Variants in GPHN observed in about 807,000 individuals in gnomAD.
GPHN encodes the protein gephyrin.
GPHN carries 17 observed loss-of-function variants against 95.5 expected under a neutral mutation model. The ratio of observed to expected loss-of-function variants is 0.18; its 90% CI spans 0.12 to 0.27. The LOEUF is 0.27. Ranked by LOEUF, GPHN falls within the 10% of genes least tolerant of loss-of-function variation. GPHN has a pLI of 1.00. For synonymous variants in GPHN, 320 were observed against 322.5 expected (o/e 0.99, Z 0.08); for missense variants, 660 against 978.1 (o/e 0.67, Z 4.34).
chr14:66,841,016 GAT>G (rs750289212), intron 4 of GPHN, among the ~76,000 whole-genome samples: 2 of 145,614 alleles, frequency 1.4e-5, no homozygotes, highest in Non-Finnish European at 3.0e-5. Context: ...TATAGATATA[GAT>G]ATAGATATAG....
chr14:66,561,200 C>G (rs2060224719), intron 1 of GPHN, among the ~76,000 whole-genome samples: 1 of 152,012 alleles, frequency 6.6e-6, no homozygotes, highest in African/African-American at 2.4e-5. Flanking sequence ...GGTCTAAAAT[C>G]TCTTTTTTGG....
At chr14:67,093,307 T>C (rs573989046) in intron 12 of GPHN, among the ~76,000 whole-genome samples, 1 of 152,152 alleles carries the variant, frequency 6.6e-6, no homozygotes, top group Non-Finnish European at 1.5e-5. Context: ...TAGCATTTTG[T>C]GCATTTACCT....
At chr14:67,084,467 T>G (rs2153664984) in intron 11 of GPHN, among the ~76,000 whole-genome samples, 1 of 152,342 alleles carries the variant, frequency 6.6e-6, no homozygotes, top group South Asian at 2.1e-4. Flanking sequence ...TTCTAGATGT[T>G]CCACAAGTTT....
chr14:67,223,591 T>C, the GPHN span: 1 of 403,478 alleles, frequency 2.5e-6, no homozygotes, highest in East Asian at 1.6e-4. Flanking sequence ...AGCAGAAAAA[T>C]TCCACTCTGG....
chr14:66,885,524 G>C (rs979840736), intron 5 of GPHN, among the ~76,000 whole-genome samples: 2 of 152,106 alleles, frequency 1.3e-5, no homozygotes, highest in Non-Finnish European at 2.9e-5. Flanking sequence ...GGGGATCCAG[G>C]TTCTATTGTG....
intron 8 of GPHN, among the ~76,000 whole-genome samples, chr14:66,926,754 A>G (rs907520287): frequency 1.4e-4 from 21 of 152,164 alleles, no homozygotes. Flanking sequence ...GTGGTTCCAT[A>G]TAAATGTTAT....
intron 9 of GPHN, among the ~76,000 whole-genome samples, chr14:67,016,270 T>C (rs913383806): frequency 6.6e-6 from 1 of 152,028 alleles, no homozygotes; most frequent in Non-Finnish European, 1.5e-5. Context: ...ATAAAATATA[T>C]AACATTAGAA....
chr14:67,663,840 G>A, the GPHN span, among the ~76,000 whole-genome samples: 1 of 152,168 alleles, frequency 6.6e-6, no homozygotes, highest in East Asian at 1.9e-4. Flanking sequence ...AGGTTCTGGT[G>A]CCAGGTTCGG....
intron 5 of GPHN, among the ~76,000 whole-genome samples, chr14:66,902,536 T>A (rs772028734): frequency 1.3e-5 from 2 of 152,124 alleles, no homozygotes; most frequent in African/African-American, 2.4e-5. Flanking sequence ...TTGAGGTATG[T>A]TCCTTCTATA....
intron 3 of GPHN, among the ~76,000 whole-genome samples, chr14:66,780,594 A>T (rs963445436): frequency 6.6e-6 from 1 of 151,442 alleles, no homozygotes. Context: ...GATTCCTTTT[A>T]AAAAAAGCAG....
rs773017569 is a variant in GPHN at position 67,180,975 on chromosome 14, A to G, written c.*38A>G. 3.5e-5 allele frequency: 56 copies of G among 1,607,932 alleles called. No individual in the cohort carries two copies. Among genetic ancestry groups the G allele is most frequent in the Non-Finnish European group, 4.6e-5 (54 of 1,174,722 alleles). On this transcript the variant is annotated 3_prime_UTR_variant, in exon 23 of 23. Transcript: ENST00000478722. Reference sequence around the variant, plus strand: ...GGAGAAAGCTTTGATGCATGTCCACATATCATTGACTGTATCCTGTAATAT... The same window carrying G: ...GGAGAAAGCTTTGATGCATGTCCACGTATCATTGACTGTATCCTGTAATAT...
the GPHN span, among the ~76,000 whole-genome samples, chr14:67,283,950 A>T: frequency 3.3e-5 from 5 of 152,148 alleles, no homozygotes; most frequent in Non-Finnish European, 7.3e-5. Context: ...TGCATATTGG[A>T]AAGTAGGGAT....
intron 5 of GPHN, among the ~76,000 whole-genome samples, chr14:66,889,033 C>T (rs1270105780): frequency 6.6e-6 from 1 of 152,054 alleles, no homozygotes; most frequent in African/African-American, 2.4e-5. Context: ...AGGTTTAATT[C>T]TGCACAGTAA....
At chr14:67,352,523 C>A in the GPHN span, among the ~76,000 whole-genome samples, 1 of 152,056 alleles carries the variant, frequency 6.6e-6, no homozygotes. Context: ...GTGAGAGAAG[C>A]AAACATGGTG....
chr14:67,154,061 A>G (rs1027983443), intron 18 of GPHN, among the ~76,000 whole-genome samples: 1 of 152,170 alleles, frequency 6.6e-6, no homozygotes, highest in African/African-American at 2.4e-5. Flanking sequence ...CTGCTTTCCA[A>G]ACTCTGCATC....
chr14:67,590,629 G>A, the GPHN span, among the ~76,000 whole-genome samples: 460 of 152,292 alleles, frequency 3.0e-3, 1 homozygote, highest in Middle Eastern at 0.02. Flanking sequence ...AAAGTGCTGG[G>A]ATTACAGGCT....
intron 11 of GPHN, among the ~76,000 whole-genome samples, chr14:67,061,412 C>G (rs114756066): frequency 6.6e-6 from 1 of 152,068 alleles, no homozygotes; most frequent in Non-Finnish European, 1.5e-5. Context: ...CTTCCCAATC[C>G]GTTCTCCAAT....
Position 66,681,180 on chromosome 14 carries a change from T to A in GPHN, c.138T>A (p.Pro46=). The part of the protein sequence containing the change: ...GINLKDLVQD[P]SLLGGTISAY... ...ATCTCAAAGATCTCGTACAAGATCC[T>A]TCTTTGTGAGTATTGTGCTTTCAGT... Residue 46 remains proline (P), a synonymous_variant, in exon 2 of 23, where the codon CCT becomes CCA. Coordinates refer to ENST00000478722, the MANE Select transcript of GPHN (RefSeq NM_020806.5). 6.4e-7 allele frequency: 1 copy of A among 1,570,120 alleles called. No individual in the cohort carries two copies. Among genetic ancestry groups the A allele is most frequent in the Non-Finnish European group, 8.8e-7 (1 of 1,141,530 alleles).
the GPHN span, among the ~76,000 whole-genome samples, chr14:67,683,067 G>A: frequency 2.2e-4 from 33 of 152,270 alleles, no homozygotes; most frequent in East Asian, 6.2e-3. Context: ...GTGGTTGCAG[G>A]CAGAAAGAAG....
Sources: allele counts gnomAD v4.1 joint callset (sites outside exome capture counted in the v4.1 genomes callset), GRCh38; gene constraint gnomAD v4.1.1; transcripts MANE v1.5; gene names NCBI Gene and HGNC (gene_info 2026-07-23, HGNC 2026-07-21).